DLEC1: variants seen among roughly 807,000 people sequenced by gnomAD.
The protein encoded by DLEC1 is deleted in lung and esophageal cancer protein 1.
A neutral mutation model predicts 198.1 loss-of-function variants in DLEC1; 146 were observed. The ratio of observed to expected loss-of-function variants is 0.74; its 90% CI spans 0.64 to 0.85. The LOEUF is 0.85. Among genes scored for constraint, DLEC1 ranks in the 40% least tolerant of loss-of-function variants. The probability of loss-of-function intolerance (pLI) is 0.00; values close to 1 mark genes in which losing one functional copy is unlikely to be tolerated. For synonymous variants in DLEC1, 897 were observed against 866.8 expected (o/e 1.03, Z -0.61); for missense variants, 2,233 against 2,220.0 (o/e 1.01, Z -0.12).
chr3:38,090,402 A>G (rs911394953), intron 10 of DLEC1, among the ~76,000 whole-genome samples: 25 of 152,114 alleles, frequency 1.6e-4, no homozygotes, highest in African/African-American at 5.8e-4. Context: ...TGCCCACTCT[A>G]TACTCTGTTC....
In DLEC1 at chr3:38,109,417, TG is replaced by T. The variant is rs775925816; in HGVS notation, c.3130-12del. On this transcript the variant is annotated splice_polypyrimidine_tract_variant and intron_variant, in intron 21 of 36. Coordinates refer to ENST00000308059, the MANE Select transcript of DLEC1 (RefSeq NM_007335.4). ...CCCCAGGCCTGGTCTGACCCCTGGA[TG>T]GGCTTTCTTATAGGAAGAGCTGACC... 2.5e-6 allele frequency: 4 copies of T among 1,613,970 alleles called. No individual in the cohort carries two copies. The highest frequency in any genetic ancestry group is 3.3e-5 in the Admixed American group (2 of 60,004).
intron 6 of DLEC1, among the ~76,000 whole-genome samples, chr3:38,077,260 G>C (rs1225160738): frequency 6.6e-6 from 1 of 152,226 alleles, no homozygotes; most frequent in Non-Finnish European, 1.5e-5. Flanking sequence ...ATGAGTAGTT[G>C]AGAATGGAGA....
At chr3:38,081,607 G>A (rs1410213125) in intron 6 of DLEC1, among the ~76,000 whole-genome samples, 9 of 103,872 alleles carry the variant, frequency 8.7e-5, no homozygotes, top group Middle Eastern at 4.9e-3. Flanking sequence ...GCGGCTGGCC[G>A]GGCGGAGGGC....
chr3:38,093,665 A>T lies in DLEC1; in HGVS notation c.1817A>T (p.Asp606Val), dbSNP rs752292637. 5 of 1,614,150 alleles carry T rather than the reference A, an allele frequency of 3.1e-6. No homozygotes were observed. The highest frequency in any genetic ancestry group is 2.5e-6 in the Non-Finnish European group (3 of 1,180,036). ...IYISGEKSQPDPGELTDLTAQ... is the reference protein window; with the variant it reads ...IYISGEKSQPVPGELTDLTAQ... The stretch of plus-strand genomic sequence containing the variant: ...ATTTCTGGTGAAAAAAGCCAGCCAG[A>T]CCCTGGAGAGCTCACAGACTTAACA... The change falls in exon 12 of 37, where the codon GAC becomes GTC. Residue 606 changes from aspartate (D) to valine (V), a missense_variant. Transcript: ENST00000308059.
chr3:38,117,231 G>C lies in DLEC1; in HGVS notation c.4329G>C (p.Lys1443Asn). The C allele has an allele frequency of 6.2e-7, 1 of 1,614,184 alleles. No individual in the cohort carries two copies. The highest frequency in any genetic ancestry group is 8.5e-7 in the Non-Finnish European group (1 of 1,180,012). Reference protein sequence around the residue: ...DSKVEREIPGKRHRLQDFAVG... With the variant: ...DSKVEREIPGNRHRLQDFAVG... ...AGGTGGAAAGGGAGATTCCAGGGAA[G>C]AGGCATCGCCTGCAGGACTTTGCGG... is the stretch of plus-strand genomic sequence containing the variant. Residue 1443 changes from lysine (K) to asparagine (N), a missense_variant, in exon 31 of 37, where the codon AAG becomes AAC. By Grantham distance (94) the Lys-to-Asn change is moderately conservative. Transcript: ENST00000308059.
intron 13 of DLEC1, chr3:38,095,592 C>A (rs750169909): frequency 1.2e-5 from 5 of 418,142 alleles, no homozygotes; most frequent in South Asian, 3.1e-5. Context: ...GTTGTCTATC[C>A]TGGGAGGGTG....
In DLEC1 at chr3:38,123,037, G is replaced by A; in HGVS notation, c.*625G>A. 1.2e-6 allele frequency: 2 copies of A among 1,613,938 alleles called. 1 individual carries two copies. Among genetic ancestry groups the A allele is most frequent in the East Asian group, 4.5e-5 (2 of 44,882 alleles). ...ACTGTCTGCGTAGCGCCTCCAGCCT[G>A]GGACCTCACTCAGTTCCCAGGGTAT... On this transcript the variant is annotated 3_prime_UTR_variant, in exon 37 of 37. Coordinates refer to ENST00000308059, the MANE Select transcript of DLEC1 (RefSeq NM_007335.4).
At chr3:38,109,821 C>CT in intron 22 of DLEC1, 3 of 708,708 alleles carry the variant, frequency 4.2e-6, no homozygotes, top group African/African-American at 1.8e-5. Flanking sequence ...GGGGACAGGG[C>CT]TGTAGGTACC....
At chr3:38,043,441 C>T (rs1453198473) in intron 1 of DLEC1, among the ~76,000 whole-genome samples, 1 of 152,192 alleles carries the variant, frequency 6.6e-6, no homozygotes, top group East Asian at 1.9e-4. Context: ...ACACATAACA[C>T]AGAACATAGT....
In DLEC1 at chr3:38,081,466, C is replaced by T. The variant is rs1204333456; in HGVS notation, c.1174-2692C>T. Among the ~76,000 whole-genome samples the T allele has an allele frequency of 1.8e-4, 17 of 95,280 alleles. 1 individual carries two copies. The highest frequency in any genetic ancestry group is 6.3e-4 in the South Asian group (2 of 3,154). The allele number at this position is 95,280 out of a possible 152,430, so 62.5% of individuals were successfully genotyped here. ...GGGGCTGACCCCCCAACCTCCCTCC[C>T]GGACGGGGCGGCTGGCCGGGCAGAG... On this transcript the variant is annotated intron_variant, in intron 6 of 36. Transcript: ENST00000308059.
chr3:38,100,227 G>C (rs1699232910), intron 18 of DLEC1, 59 bp from the exon 19 acceptor site: 9 of 1,532,318 alleles, frequency 5.9e-6, no homozygotes, highest in Non-Finnish European at 7.9e-6. Context: ...CCAGCCCCCA[G>C]TTCCTCTGCA....
Position 38,122,694 on chromosome 3 carries a change from A to G in DLEC1, c.*282A>G. 7.1e-7 allele frequency: 1 copy of G among 1,402,250 alleles called. No homozygotes were observed. The allele number at this position is 1,402,250 out of a possible 1,614,324, so 86.9% of individuals were successfully genotyped here. On this transcript the variant is annotated 3_prime_UTR_variant, in exon 37 of 37. Transcript: ENST00000308059. ...CCAGTATGGCAAAATTAGTCTTGGA[A>G]AAAAACCACAGCCACTAAGATAAAT... is the stretch of plus-strand genomic sequence containing the variant.
intron 6 of DLEC1, among the ~76,000 whole-genome samples, chr3:38,068,051 G>A (rs1212169841): frequency 6.6e-6 from 1 of 151,378 alleles, no homozygotes; most frequent in Non-Finnish European, 1.5e-5. Flanking sequence ...ATTGTACCTG[G>A]CCAAGTATCT....
chr3:38,112,782 A>C lies in DLEC1; in HGVS notation c.3666+421A>C, dbSNP rs1186512039. Reference sequence around the variant, plus strand: ...CAGGGGTCCATTTAATTGCTCCAGCACTCAGCATAAATGGAGTATCTACTG... The same window carrying C: ...CAGGGGTCCATTTAATTGCTCCAGCCCTCAGCATAAATGGAGTATCTACTG... On this transcript the variant is annotated intron_variant, in intron 25 of 36. Coordinates refer to ENST00000308059, the MANE Select transcript of DLEC1 (RefSeq NM_007335.4). The surrounding 1 kb of genome is among the most constrained non-coding windows in gnomAD (Gnocchi z 4.8). 6.6e-6 allele frequency among the ~76,000 whole-genome samples: 1 copy of C among 152,044 alleles called. No individual in the cohort carries two copies. Among genetic ancestry groups the C allele is most frequent in the East Asian group, 1.9e-4 (1 of 5,174 alleles).
intron 33 of DLEC1, among the ~76,000 whole-genome samples, chr3:38,118,654 G>T (rs1700306647): frequency 6.6e-6 from 1 of 151,996 alleles, no homozygotes; most frequent in Admixed American, 6.6e-5. Context: ...GGGCTTCCAG[G>T]GTGTGCAGAG....
rs1408247613 is a variant in DLEC1, at chr3:38,051,292, C to T, written c.562+5599C>T. Among the ~76,000 whole-genome samples, 3 of 152,192 alleles carry T rather than the reference C, an allele frequency of 2.0e-5. No homozygotes were observed. In the East Asian group the frequency reaches 5.8e-4, roughly 29 times the overall value. On this transcript the variant is annotated intron_variant, in intron 2 of 36. Transcript: ENST00000308059. ...TCTTCTGTTCGGGCGCTGGTGACAGCCGGGACTGATCGCTCAGCGGCAGTG... is the reference window on the plus strand; with the variant it reads ...TCTTCTGTTCGGGCGCTGGTGACAGTCGGGACTGATCGCTCAGCGGCAGTG...
intron 6 of DLEC1, among the ~76,000 whole-genome samples, chr3:38,079,690 C>T (rs941174900): frequency 3.3e-5 from 5 of 152,112 alleles, no homozygotes; most frequent in Non-Finnish European, 4.4e-5. Flanking sequence ...GGAGAAATCC[C>T]GGGTTGCAGG....
At chr3:38,109,593 C>T (rs1273266542) in intron 22 of DLEC1, 31 bp downstream of exon 22, 1 of 1,613,380 alleles carries the variant, frequency 6.2e-7, no homozygotes, top group East Asian at 2.2e-5. Flanking sequence ...CTGGGGGTGG[C>T]AGTGGACTGA....
rs754217453 is a variant in DLEC1 at position 38,097,225 on chromosome 3, A to G, written c.2384A>G (p.Lys795Arg). The change falls in exon 16 of 37, where the codon AAG (lysine) becomes AGG (arginine). Residue 795 changes from lysine to arginine, a missense_variant. Physicochemically the swap from Lys to Arg is conservative, Grantham distance 26. Transcript: ENST00000308059. ...SKSPIRYLWGKISDCHIIEVE... is the reference protein window; with the variant it reads ...SKSPIRYLWGRISDCHIIEVE... ...TCACCCATCAGATACCTGTGGGGGA[A>G]GATCAGCGACTGCCACATCATTGAA... 3 of 1,587,814 alleles carry G rather than the reference A, an allele frequency of 1.9e-6. No individual in the cohort carries two copies. The highest frequency in any genetic ancestry group is 3.5e-5 in the Admixed American group (2 of 56,838).
Sources: allele counts gnomAD v4.1 joint callset (sites outside exome capture counted in the v4.1 genomes callset), GRCh38; gene constraint gnomAD v4.1.1; non-coding constraint Gnocchi (gnomAD v3.1); transcripts MANE v1.5; gene names NCBI Gene and HGNC (gene_info 2026-07-23, HGNC 2026-07-21).